DGKB: variants seen among roughly 807,000 people sequenced by gnomAD.
The protein encoded by DGKB is 90 kDa diacylglycerol kinase.
DGKB carries 67 observed loss-of-function variants against 114.3 expected under a neutral mutation model. The ratio of observed to expected loss-of-function variants is 0.59; its 90% CI spans 0.48 to 0.72. The LOEUF is 0.72. DGKB is among the 30% of genes least tolerant of loss of function. The pLI, the probability that DGKB is intolerant of heterozygous loss-of-function variation, is 0.00. For missense variants in DGKB, 907 were observed against 975.2 expected (o/e 0.93, Z 0.93); for synonymous variants, 398 against 323.1 (o/e 1.23, Z -2.49).
intron 1 of DGKB, among the ~76,000 whole-genome samples, chr7:14,943,110 T>G (rs950819973): frequency 2.0e-5 from 3 of 152,022 alleles, no homozygotes; most frequent in Non-Finnish European, 2.9e-5. Context: ...TCTTTCTTTT[T>G]ATATTCTATA....
chr7:14,927,960 C>G (rs1305595828), intron 1 of DGKB, among the ~76,000 whole-genome samples: 1 of 151,700 alleles, frequency 6.6e-6, no homozygotes, highest in Non-Finnish European at 1.5e-5. Flanking sequence ...AAATTCTGAG[C>G]AAGTCTATAA....
At chr7:14,562,722 C>G (rs948766526) in intron 20 of DGKB, among the ~76,000 whole-genome samples, 6 of 152,100 alleles carry the variant, frequency 3.9e-5, no homozygotes, top group Non-Finnish European at 8.8e-5. Flanking sequence ...ATGTCTGTAC[C>G]CCCATTGTAT....
chr7:14,185,321 A>T (rs768569175), intron 23 of DGKB, among the ~76,000 whole-genome samples: 1 of 152,112 alleles, frequency 6.6e-6, no homozygotes, highest in African/African-American at 2.4e-5. Context: ...GAGTCGAAAG[A>T]CCTCTACAAG....
chr7:14,405,632 A>T (rs1219999844), intron 21 of DGKB, among the ~76,000 whole-genome samples: 3 of 152,052 alleles, frequency 2.0e-5, no homozygotes, highest in Admixed American at 6.6e-5. Flanking sequence ...GCCACCCTTG[A>T]GCTATAACCA....
chr7:14,335,406 A>G (rs991621649), intron 23 of DGKB, among the ~76,000 whole-genome samples: 5 of 152,286 alleles, frequency 3.3e-5, no homozygotes, highest in African/African-American at 1.2e-4. Context: ...CCTCCAAAAG[A>G]AACTATCTAA....
chr7:14,740,782 G>A (rs185527642), intron 4 of DGKB, among the ~76,000 whole-genome samples: 37 of 152,242 alleles, frequency 2.4e-4, no homozygotes, highest in African/African-American at 6.0e-4. Context: ...GGGGAAGTGC[G>A]GATAATCCCA....
At chr7:14,154,177 CTTTTTTTTTTTTT>C (rs5882429) in intron 25 of DGKB, among the ~76,000 whole-genome samples, 1 of 128,370 alleles carries the variant, frequency 7.8e-6, no homozygotes, top group East Asian at 2.3e-4. Context: ...AGAGTTTTGT[CTTTTTTTTTTTTT>C]TTTTTTTAAG....
chr7:14,163,943 C>A (rs946022138), intron 25 of DGKB, among the ~76,000 whole-genome samples: 1 of 151,612 alleles, frequency 6.6e-6, no homozygotes, highest in Non-Finnish European at 1.5e-5. Context: ...TGCAGTGAGC[C>A]GAGATCATGC....
chr7:14,887,105 C>T (rs1780406098), intron 1 of DGKB, among the ~76,000 whole-genome samples: 1 of 151,778 alleles, frequency 6.6e-6, no homozygotes, highest in Non-Finnish European at 1.5e-5. Flanking sequence ...GTGTGATTTC[C>T]TGTTTATTTG....
chr7:14,426,010 A>G (rs927132215), intron 21 of DGKB, among the ~76,000 whole-genome samples: 1 of 152,164 alleles, frequency 6.6e-6, no homozygotes, highest in African/African-American at 2.4e-5. Context: ...TTCAAATTTT[A>G]TCTAATTAAC....
intron 2 of DGKB, among the ~76,000 whole-genome samples, chr7:14,786,854 T>C (rs1361226117): frequency 3.3e-5 from 5 of 151,608 alleles, no homozygotes; most frequent in Admixed American, 3.3e-4. Context: ...CCCCTTTGCA[T>C]GAACAGCTAA....
chr7:14,386,455 G>T (rs1316294144), intron 21 of DGKB, among the ~76,000 whole-genome samples: 1 of 152,178 alleles, frequency 6.6e-6, no homozygotes, highest in Non-Finnish European at 1.5e-5. Context: ...CCTGTATCAT[G>T]TATGTATAAC....
intron 21 of DGKB, among the ~76,000 whole-genome samples, chr7:14,361,469 G>C (rs564500201): frequency 6.6e-6 from 1 of 152,036 alleles, no homozygotes; most frequent in South Asian, 2.1e-4. Context: ...TTTACATCTT[G>C]AGGGACTCAG....
intron 22 of DGKB, among the ~76,000 whole-genome samples, chr7:14,343,353 AG>A (rs1161864480): frequency 4.0e-5 from 6 of 151,870 alleles, no homozygotes; most frequent in Non-Finnish European, 8.8e-5. Flanking sequence ...AACATAACTT[AG>A]TTCTAGTAGC....
chr7:14,667,852 T>G (rs1052667595), intron 13 of DGKB, among the ~76,000 whole-genome samples: 2 of 152,116 alleles, frequency 1.3e-5, no homozygotes, highest in Non-Finnish European at 2.9e-5. Flanking sequence ...AATTCGGACT[T>G]AGCTAGGTGG....
chr7:14,376,030 T>A (rs979913395), intron 21 of DGKB, among the ~76,000 whole-genome samples: 1 of 152,196 alleles, frequency 6.6e-6, no homozygotes, highest in East Asian at 1.9e-4. Context: ...ACCATGCAAA[T>A]TGTATACAGG....
chr7:14,955,708 T>C (rs1385268621), intron 1 of DGKB, among the ~76,000 whole-genome samples: 2 of 152,034 alleles, frequency 1.3e-5, no homozygotes, highest in Non-Finnish European at 2.9e-5. Flanking sequence ...AAAGCAATGA[T>C]AAACCTAGTT....
Position 14,345,336 on chromosome 7 carries a change from T to G in DGKB, c.1891A>C (p.Thr631Pro). The G allele has an allele frequency of 6.5e-7, 1 of 1,545,868 alleles. No homozygotes were observed. ...ACAGATTCATGTAGCTTCTTGCAGG[T>G]GGCTGAGAAAGTTTCAGATGTGCCA... ...EFGTSETFSA[T>P]CKKLHESVEI... Residue 631 changes from threonine to proline, a missense_variant, in exon 22 of 26, where the codon ACC (threonine) becomes CCC (proline). Physicochemically the swap from Thr to Pro is conservative, Grantham distance 38 (BLOSUM62 -1). This residue lies in a region of DGKB where 814 missense variants were observed against 856.6 expected (regional missense o/e 0.95). Transcript: ENST00000402815.
chr7:14,409,926 C>A (rs1447172429), intron 21 of DGKB, among the ~76,000 whole-genome samples: 2 of 151,980 alleles, frequency 1.3e-5, no homozygotes, highest in African/African-American at 4.8e-5. Flanking sequence ...TGTAGTAGTA[C>A]ACACAACATA....
Sources: allele counts gnomAD v4.1 joint callset (sites outside exome capture counted in the v4.1 genomes callset), GRCh38; gene constraint gnomAD v4.1.1; regional missense constraint gnomAD v4.1.1; transcripts MANE v1.5; gene names NCBI Gene and HGNC (gene_info 2026-07-23, HGNC 2026-07-21).